The following BCL2 variants were observed in gnomAD, a reference collection of about 807,000 sequenced individuals.
The protein encoded by BCL2 is apoptosis regulator Bcl-2.
Under a neutral mutation model 14.2 loss-of-function variants are expected in BCL2, and 1 was observed. The observed-to-expected ratio is 0.07, with a 90% CI of 0.02 to 0.33. The LOEUF (loss-of-function observed/expected upper bound fraction) is 0.33. Among genes scored for constraint, BCL2 ranks in the 10% least tolerant of loss-of-function variants. The pLI, the probability that BCL2 is intolerant of heterozygous loss-of-function variation, is 0.99. For missense variants in BCL2, 247 were observed against 305.9 expected (o/e 0.81, Z 1.44); for synonymous variants, 151 against 137.2 (o/e 1.10, Z -0.70).
In BCL2 at chr18:63,127,978, C is replaced by T; in HGVS notation, c.*647G>A. On this transcript the variant is annotated 3_prime_UTR_variant, in exon 3 of 3. Coordinates refer to ENST00000333681, the MANE Select transcript of BCL2 (RefSeq NM_000633.3). ...TTCGGCGTGGAAATCTCAGTGGGTA[C>T]TAGGTCCATCTGAAGTTCCCAACTC... The T allele has an allele frequency of 4.4e-6, 1 of 225,282 alleles. No individual in the cohort carries two copies. 14.0% of individuals were successfully genotyped at this position (225,282 alleles called of 1,614,324 possible).
At position 63,232,523 on chromosome 18, in the gene BCL2, C is replaced by T. The variant is rs925885119; in HGVS notation, c.585+85559G>A. 3.9e-5 allele frequency among the ~76,000 whole-genome samples: 6 copies of T among 152,040 alleles called. No homozygotes were observed. In the South Asian group the frequency reaches 6.2e-4, roughly 16 times the overall value. On this transcript the variant is annotated intron_variant, in intron 2 of 2. Coordinates refer to ENST00000333681, the MANE Select transcript of BCL2 (RefSeq NM_000633.3). ...AAAAAAATCCCAAATGATGAAAAAC[C>T]GTAGGAAAAACCAACACTAAACACA...
In BCL2 at chr18:63,127,656, C is replaced by T. The variant is rs900929793; in HGVS notation, c.*969G>A. ...GGACACAGGCAGGTTCTGCGGACTT[C>T]GGTCTCCTAAAAGCAGGCACTTGTG... is the stretch of plus-strand genomic sequence containing the variant. On this transcript the variant is annotated 3_prime_UTR_variant, in exon 3 of 3. Coordinates refer to ENST00000333681, the MANE Select transcript of BCL2 (RefSeq NM_000633.3). 4.8e-5 allele frequency: 11 copies of T among 229,810 alleles called. No homozygotes were observed. Among genetic ancestry groups the T allele is most frequent in the South Asian group, 1.8e-4 (1 of 5,506 alleles). 14.2% of individuals were successfully genotyped at this position (229,810 alleles called of 1,614,324 possible).
chr18:63,211,036 T>C (rs1041253446), intron 2 of BCL2, among the ~76,000 whole-genome samples: 1 of 151,754 alleles, frequency 6.6e-6, no homozygotes, highest in Non-Finnish European at 1.5e-5. Flanking sequence ...GCAGCTTTTA[T>C]TTCTTCCCAT....
intron 2 of BCL2, among the ~76,000 whole-genome samples, chr18:63,296,238 T>C (rs1258552489): frequency 6.6e-6 from 1 of 152,184 alleles, no homozygotes; most frequent in African/African-American, 2.4e-5. Flanking sequence ...AAGTCGAAAG[T>C]TCTATTTCCA....
intron 2 of BCL2, among the ~76,000 whole-genome samples, chr18:63,256,197 T>C (rs188202396): frequency 2.8e-4 from 42 of 152,318 alleles, no homozygotes; most frequent in African/African-American, 9.4e-4. Flanking sequence ...AAAATATATA[T>C]GGGAAGACAA....
chr18:63,264,487 A>G (rs1911758398), intron 2 of BCL2, among the ~76,000 whole-genome samples: 1 of 152,194 alleles, frequency 6.6e-6, no homozygotes, highest in African/African-American at 2.4e-5. Flanking sequence ...GTTAAAAGTG[A>G]GTGTACAAAG....
intron 2 of BCL2, among the ~76,000 whole-genome samples, chr18:63,252,142 A>G (rs1309219873): frequency 1.3e-5 from 2 of 152,350 alleles, no homozygotes; most frequent in East Asian, 1.9e-4. Context: ...AAGTAATCCT[A>G]ATATTCTTAA....
At chr18:63,286,096 C>G (rs548589656) in intron 2 of BCL2, among the ~76,000 whole-genome samples, 1 of 152,238 alleles carries the variant, frequency 6.6e-6, no homozygotes, top group Non-Finnish European at 1.5e-5. Flanking sequence ...TGTTTGGAAA[C>G]AGGCTGCCTG....
At chr18:63,213,938 G>C (rs377711626) in intron 2 of BCL2, among the ~76,000 whole-genome samples, 2 of 152,146 alleles carry the variant, frequency 1.3e-5, no homozygotes, top group Non-Finnish European at 2.9e-5. Context: ...TTAAGAGGGG[G>C]CTGGGAGAAG....
intron 2 of BCL2, among the ~76,000 whole-genome samples, chr18:63,195,785 A>G (rs1367314206): frequency 6.6e-6 from 1 of 152,174 alleles, no homozygotes; most frequent in Admixed American, 6.6e-5. Flanking sequence ...ACAAACCTCT[A>G]TTTTTATAGG....
chr18:63,198,784 G>A (rs1408814840), intron 2 of BCL2, among the ~76,000 whole-genome samples: 2 of 30,502 alleles, frequency 6.6e-5, no homozygotes, highest in East Asian at 8.3e-4. Flanking sequence ...CACAGACACA[G>A]AGACACAGAC....
At chr18:63,312,308 G>A (rs1913352723) in intron 2 of BCL2, among the ~76,000 whole-genome samples, 1 of 152,202 alleles carries the variant, frequency 6.6e-6, no homozygotes, top group Non-Finnish European at 1.5e-5. Context: ...TGGCACCTAT[G>A]AGAAAGTCCC....
At chr18:63,268,374 A>C (rs1158674710) in intron 2 of BCL2, among the ~76,000 whole-genome samples, 3 of 152,228 alleles carry the variant, frequency 2.0e-5, no homozygotes, top group African/African-American at 7.2e-5. Context: ...TTCTTCCACT[A>C]CAAAAAAAGT....
chr18:63,128,203 T>C lies in BCL2; in HGVS notation c.*422A>G. ...GCCAGCTTCCCCAATGATCAGGTCC[T>C]TTTTCCATCCGTCTGCTCTTCAGAT... On this transcript the variant is annotated 3_prime_UTR_variant, in exon 3 of 3. Transcript: ENST00000333681. 1 of 232,216 alleles carries C rather than the reference T, an allele frequency of 4.3e-6. No individual in the cohort carries two copies. Among genetic ancestry groups the C allele is most frequent in the East Asian group, 6.1e-5 (1 of 16,458 alleles). 14.4% of individuals were successfully genotyped at this position (232,216 alleles called of 1,614,324 possible).
intron 2 of BCL2, among the ~76,000 whole-genome samples, chr18:63,248,771 C>T (rs1466262803): frequency 6.6e-6 from 1 of 152,212 alleles, no homozygotes; most frequent in Non-Finnish European, 1.5e-5. Context: ...CCACTAATGG[C>T]TTATTGCCAG....
At chr18:63,311,884 A>T (rs1913333842) in intron 2 of BCL2, among the ~76,000 whole-genome samples, 1 of 152,184 alleles carries the variant, frequency 6.6e-6, no homozygotes. Context: ...GCGTTTGGGG[A>T]AGTAGTCCTT....
intron 2 of BCL2, among the ~76,000 whole-genome samples, chr18:63,234,426 C>A (rs1413095655): frequency 2.0e-5 from 3 of 152,150 alleles, no homozygotes; most frequent in Admixed American, 2.0e-4. Context: ...GATCTCATTC[C>A]TTTTTATGGC....
chr18:63,184,993 G>A (rs1462929699), intron 2 of BCL2, among the ~76,000 whole-genome samples: 2 of 152,184 alleles, frequency 1.3e-5, no homozygotes, highest in Admixed American at 6.5e-5. Flanking sequence ...CAACTTCACA[G>A]CTGATAATCA....
At chr18:63,169,353 C>CTTTCTTTCT (rs1915153133) in intron 2 of BCL2, among the ~76,000 whole-genome samples, 1 of 59,342 alleles carries the variant, frequency 1.7e-5, no homozygotes, top group African/African-American at 8.9e-5. Context: ...TTCTTTCTTT[C>CTTTCTTTCT]TTTCTTTCTT....
Sources: allele counts gnomAD v4.1 joint callset (sites outside exome capture counted in the v4.1 genomes callset), GRCh38; gene constraint gnomAD v4.1.1; transcripts MANE v1.5; gene names NCBI Gene and HGNC (gene_info 2026-07-23, HGNC 2026-07-21).